Variants in PTGS2 observed in about 807,000 individuals in gnomAD.
PTGS2 encodes prostaglandin-endoperoxide synthase 2.
In PTGS2, 14 loss-of-function variants were observed where a neutral mutation model predicts 63.8. That is an observed-to-expected ratio of 0.22 (90% confidence interval 0.14 to 0.34). PTGS2 has a LOEUF of 0.34. Ranked by LOEUF, PTGS2 falls within the 10% of genes least tolerant of loss-of-function variation. PTGS2 has a pLI of 1.00. For synonymous variants in PTGS2, 271 were observed against 259.5 expected (o/e 1.04, Z -0.43); for missense variants, 533 against 738.5 (o/e 0.72, Z 3.23).
chr1:186,673,739 A>C lies in PTGS2; in HGVS notation c.*614T>G, dbSNP rs1665730813. 1 of 152,246 alleles carries C rather than the reference A, an allele frequency of 6.6e-6. No homozygotes were observed. The highest frequency in any genetic ancestry group is 1.5e-5 in the Non-Finnish European group (1 of 68,028). The allele number at this position is 152,246 out of a possible 1,614,324, so 9.4% of individuals were successfully genotyped here. A position where few individuals can be genotyped will look rare whatever the true frequency, so the allele number is the denominator to read the frequency against. ...AAGACAGCTTCTTTTTGGTATATGT[A>C]CAAGTTTAATAACTTTAAGAAATCA... is the stretch of plus-strand genomic sequence containing the variant. On this transcript the variant is annotated 3_prime_UTR_variant, in exon 10 of 10. Transcript: ENST00000367468.
chr1:186,677,829 A>G lies in PTGS2; in HGVS notation c.459T>C (p.Gly153=). ...CATTTGAATCAGGAAGCTGCTTTTT[A>G]CCTGAAAAATGAGAAAGCTAAGGTA... ...DDCPTPLGVK[G]KKQLPDSNEI... Residue 153 remains glycine (G), a splice_region_variant and synonymous_variant, in exon 5 of 10, where the codon GGT becomes GGC. Coordinates refer to ENST00000367468, the MANE Select transcript of PTGS2 (RefSeq NM_000963.4). The G allele has an allele frequency of 1.9e-6, 3 of 1,613,100 alleles. No homozygotes were observed. Among genetic ancestry groups the G allele is most frequent in the Non-Finnish European group, 2.5e-6 (3 of 1,179,716 alleles).
rs1424487359 is a variant in PTGS2, at chr1:186,672,225, A to T, written c.*2128T>A. ...TATTAAAACCCACAGTGCTTGACAC[A>T]GAATATTTTCTCAATAAATTGTGGC... is the stretch of plus-strand genomic sequence containing the variant. On this transcript the variant is annotated 3_prime_UTR_variant, in exon 10 of 10. Transcript: ENST00000367468. 1 of 152,164 alleles carries T rather than the reference A, an allele frequency of 6.6e-6. No homozygotes were observed. Among genetic ancestry groups the T allele is most frequent in the African/African-American group, 2.4e-5 (1 of 41,464 alleles). 9.4% of individuals were successfully genotyped at this position (152,164 alleles called of 1,614,324 possible).
At chr1:186,675,545 C>T in intron 8 of PTGS2, 149 bp from the exon 9 acceptor site, 1 of 930,370 alleles carries the variant, frequency 1.1e-6, no homozygotes, top group Non-Finnish European at 1.6e-6. Flanking sequence ...TACATTTCAA[C>T]AGGAGCTCTG....
At chr1:186,679,554 A>T (rs894704117) in intron 1 of PTGS2, 116 bp from the exon 2 acceptor site, 20 of 770,412 alleles carry the variant, frequency 2.6e-5, no homozygotes, top group Non-Finnish European at 3.7e-5. Flanking sequence ...ATATATAGGT[A>T]GTCATGGAAA....
In PTGS2 at chr1:186,674,431, G is replaced by C. The variant is rs933492734; in HGVS notation, c.1737C>G (p.Ile579Met). Residue 579 changes from isoleucine (I) to methionine (M), a missense_variant, in exon 10 of 10, where the codon ATC becomes ATG. Around this residue, in one of 5 missense-constraint regions of PTGS2, gnomAD observed 219 missense variants for 267.4 expected, o/e 0.82. Transcript: ENST00000367468. ...GTCCGGAGCGGGAAGAACTTGCATTGATGGTGACTGTTTTAATGAGCTCTG... is the reference window on the plus strand; with the variant it reads ...GTCCGGAGCGGGAAGAACTTGCATTCATGGTGACTGTTTTAATGAGCTCTG... ...PDPELIKTVT[I>M]NASSSRSGLD... is the part of the protein sequence containing the mutation. 4 of 1,613,916 alleles carry C rather than the reference G, an allele frequency of 2.5e-6. No individual in the cohort carries two copies. The Admixed American group carries it at 6.7e-5, about 27-fold the overall frequency.
chr1:186,679,051 T>C lies in PTGS2; in HGVS notation c.313+7A>G. The C allele has an allele frequency of 3.7e-6, 6 of 1,611,354 alleles. No homozygotes were observed. Among genetic ancestry groups the C allele is most frequent in the Non-Finnish European group, 5.1e-6 (6 of 1,179,160 alleles). ...GCTAAAAACCTTAGAAAGACACTTG[T>C]ACTTACATGTCAACACATAACTCAT... On this transcript the variant is annotated splice_region_variant and intron_variant, in intron 3 of 9. Transcript: ENST00000367468.
At position 186,674,687 on chromosome 1, in the gene PTGS2, A is replaced by T; in HGVS notation, c.1481T>A (p.Leu494Gln). 1 of 1,614,238 alleles carries T rather than the reference A, an allele frequency of 6.2e-7. No individual in the cohort carries two copies. The highest frequency in any genetic ancestry group is 1.3e-5 in the African/African-American group (1 of 75,062). The change falls in exon 10 of 10, where the codon CTG becomes CAG. Residue 494 changes from leucine to glutamine, a missense_variant. Transcript: ENST00000367468. ...IDAVELYPAL[L>Q]VEKPRPDAIF... ...GGCATCTGGCCGAGGCTTTTCTACC[A>T]GAAGGGCAGGATACAGCTCCACAGC...
rs1168501397 is a variant in PTGS2 at position 186,676,190 on chromosome 1, T to G, written c.971-6A>C. 6.3e-7 allele frequency: 1 copy of G among 1,583,160 alleles called. No individual in the cohort carries two copies. The highest frequency in any genetic ancestry group is 1.8e-5 in the Admixed American group (1 of 55,220). On this transcript the variant is annotated splice_region_variant and splice_polypyrimidine_tract_variant and intron_variant, in intron 7 of 9. Coordinates refer to ENST00000367468, the MANE Select transcript of PTGS2 (RefSeq NM_000963.4). ...CACAATCTTAATAGTCTCTCCTATT[T>G]GCACAAAATAAATAATAAAAACATT...
At chr1:186,679,575 T>A (rs1665840403) in intron 1 of PTGS2, 137 bp from the exon 2 acceptor site, 2 of 674,558 alleles carry the variant, frequency 3.0e-6, no homozygotes, top group South Asian at 1.9e-5. Context: ...TACAATTTTT[T>A]AACCTGCCTT....
intron 1 of PTGS2, 42 bp downstream of exon 1, chr1:186,680,197 G>A: frequency 2.6e-6 from 4 of 1,549,804 alleles, no homozygotes; most frequent in Non-Finnish European, 2.6e-6. Context: ...CTGCCCGGGT[G>A]CGTGGAACCG....
intron 4 of PTGS2, among the ~76,000 whole-genome samples, 194 bp downstream of exon 4, chr1:186,678,067 C>T (rs1007742829): frequency 3.9e-5 from 6 of 152,110 alleles, no homozygotes; most frequent in Admixed American, 2.6e-4. Flanking sequence ...AGACATTATA[C>T]CAAGACGCTC....
At position 186,677,812 on chromosome 1, in the gene PTGS2, T is replaced by C. The variant is rs749747614; in HGVS notation, c.476A>G (p.Asp159Gly). ...LGVKGKKQLP[D>G]SNEIVEKLLL... ...CAATTTTTCCACAATCTCATTTGAA[T>C]CAGGAAGCTGCTTTTTACCTGAAAA... is the stretch of plus-strand genomic sequence containing the variant. Residue 159 changes from aspartate to glycine, a missense_variant, in exon 5 of 10, where the codon GAT (aspartate) becomes GGT (glycine). Physicochemically the swap from Asp to Gly is moderately conservative, Grantham distance 94 (BLOSUM62 -1). This residue lies in a region of PTGS2 where 118 missense variants were observed against 138.7 expected (regional missense o/e 0.85). Coordinates refer to ENST00000367468, the MANE Select transcript of PTGS2 (RefSeq NM_000963.4). The C allele has an allele frequency of 6.2e-6, 10 of 1,613,494 alleles. No individual in the cohort carries two copies. The highest frequency in any genetic ancestry group is 8.5e-6 in the Non-Finnish European group (10 of 1,179,830).
rs201006741 is a variant in PTGS2 at position 186,676,180 on chromosome 1, C to T, written c.975G>A (p.Glu325=). The change falls in exon 8 of 10, where the codon GAG becomes GAA. Residue 325 remains glutamate (E), a synonymous_variant. Coordinates refer to ENST00000367468, the MANE Select transcript of PTGS2 (RefSeq NM_000963.4). Reference sequence around the variant, plus strand: ...AATCTTCAATCACAATCTTAATAGTCTCTCCTATTTGCACAAAATAAATAA... The same window carrying T: ...AATCTTCAATCACAATCTTAATAGTTTCTCCTATTTGCACAAAATAAATAA... ...FQTSRLILIG[E]TIKIVIEDYV... is the part of the protein sequence containing the mutation. 1.3e-4 allele frequency: 213 copies of T among 1,604,656 alleles called. No individual in the cohort carries two copies. The East Asian group carries it at 4.1e-3, about 31-fold the overall frequency.
Position 186,676,553 on chromosome 1 carries a change from T to A in PTGS2, c.884A>T (p.His295Leu). The change falls in exon 7 of 10, where the codon CAC (histidine) becomes CTC (leucine). Residue 295 changes from histidine to leucine, a missense_variant. Transcript: ENST00000367468. ...MMYATIWLRE[H>L]NRVCDVLKQE... ...TTTAAGCACATCGCATACTCTGTTG[T>A]GTTCCCGCAGCCAGATTGTGGCATA... 6.2e-7 allele frequency: 1 copy of A among 1,614,144 alleles called. No homozygotes were observed. Among genetic ancestry groups the A allele is most frequent in the Non-Finnish European group, 8.5e-7 (1 of 1,180,014 alleles).
At chr1:186,675,718 T>C in intron 8 of PTGS2, 180 bp downstream of exon 8, 1 of 711,000 alleles carries the variant, frequency 1.4e-6, no homozygotes. Flanking sequence ...CTGACAACTG[T>C]AGACTAGACT....
intron 9 of PTGS2, 34 bp from the exon 10 acceptor site, chr1:186,674,796 T>C (rs200498625): frequency 3.9e-6 from 6 of 1,545,210 alleles, no homozygotes; most frequent in East Asian, 2.3e-5. Context: ...ATACAACCAA[T>C]GTCAAACTTC....
Position 186,671,825 on chromosome 1 carries a change from T to G in PTGS2, c.*2528A>C, listed in dbSNP as rs1464756628. 1 of 152,150 alleles carries G rather than the reference T, an allele frequency of 6.6e-6. No homozygotes were observed. The highest frequency in any genetic ancestry group is 2.4e-5 in the African/African-American group (1 of 41,448). 9.4% of individuals were successfully genotyped at this position (152,150 alleles called of 1,614,324 possible). A position where few individuals can be genotyped will look rare whatever the true frequency, so the allele number is the denominator to read the frequency against. ...AATCAAAGTTTATCTTCAGAAAAGA[T>G]CTGTCAATTTTTAAATAGTACAAAA... On this transcript the variant is annotated 3_prime_UTR_variant, in exon 10 of 10. Transcript: ENST00000367468.
intron 9 of PTGS2, 86 bp downstream of exon 9, chr1:186,675,163 G>A: frequency 6.5e-7 from 1 of 1,538,484 alleles, no homozygotes; most frequent in South Asian, 1.2e-5. Context: ...GGTGACAGAG[G>A]GCGGCTCCAT....
intron 8 of PTGS2, 36 bp downstream of exon 8, chr1:186,675,862 T>A: frequency 6.4e-7 from 1 of 1,558,614 alleles, no homozygotes; most frequent in Non-Finnish European, 8.7e-7. Flanking sequence ...AGTTACTGAC[T>A]AGTCTTTTGT....
Sources: allele counts gnomAD v4.1 joint callset (sites outside exome capture counted in the v4.1 genomes callset), GRCh38; gene constraint gnomAD v4.1.1; regional missense constraint gnomAD v4.1.1; transcripts MANE v1.5; gene names NCBI Gene and HGNC (gene_info 2026-07-23, HGNC 2026-07-21).